DPP10: variants seen among roughly 807,000 people sequenced by gnomAD.
DPP10 encodes the protein inactive dipeptidyl peptidase 10.
A neutral mutation model predicts 120.9 loss-of-function variants in DPP10; 33 were observed. That is an observed-to-expected ratio of 0.27 (90% CI 0.21 to 0.37). The LOEUF is 0.37. Among genes scored for constraint, DPP10 ranks in the 10% least tolerant of loss-of-function variants. The pLI is 1.00. For synonymous variants in DPP10, 337 were observed against 326.1 expected, an observed-to-expected ratio of 1.03 and a Z score of -0.36; for missense variants, 816 against 942.8, an observed-to-expected ratio of 0.87 and a Z score of 1.76.
intron 1 of DPP10, among the ~76,000 whole-genome samples, chr2:115,192,373 G>A (rs1380629084): frequency 6.6e-6 from 1 of 152,204 alleles, no homozygotes; most frequent in Admixed American, 6.5e-5. Flanking sequence ...CCCCCAAGGG[G>A]TAATCTTTTA....
chr2:114,844,971 A>G (rs1180690166), intron 1 of DPP10, among the ~76,000 whole-genome samples: 1 of 152,138 alleles, frequency 6.6e-6, no homozygotes, highest in African/African-American at 2.4e-5. Context: ...AAGTAGTAAT[A>G]TTTCACTTAT....
In DPP10 at chr2:115,525,900, A is replaced by G; in HGVS notation, c.369A>G (p.Val123=). The change falls in exon 5 of 26, where the codon GTA becomes GTG. Residue 123 remains valine (V), a splice_region_variant and synonymous_variant. Coordinates refer to ENST00000410059, the MANE Select transcript of DPP10 (RefSeq NM_020868.6). The stretch of plus-strand genomic sequence containing the variant: ...CTGGTTTTTTTTTCTTTTTCTAGGT[A>G]ACCTTCAAAGCATCAAGACATTCAG... ...TTLLLENTTF[V]TFKASRHSVS... The G allele has an allele frequency of 6.3e-7, 1 of 1,593,970 alleles. No homozygotes were observed. The highest frequency in any genetic ancestry group is 8.5e-7 in the Non-Finnish European group (1 of 1,174,124).
At chr2:114,787,674 T>A (rs1682877740) in intron 1 of DPP10, among the ~76,000 whole-genome samples, 1 of 152,228 alleles carries the variant, frequency 6.6e-6, no homozygotes, top group Non-Finnish European at 1.5e-5. Flanking sequence ...AATGTGTGTA[T>A]GTGCCTCTAA....
chr2:115,661,978 A>T (rs1045873377), intron 5 of DPP10, among the ~76,000 whole-genome samples: 4 of 152,106 alleles, frequency 2.6e-5, no homozygotes, highest in Non-Finnish European at 4.4e-5. Flanking sequence ...TACCCATCTC[A>T]CAGAATTAAA....
At chr2:114,970,312 T>C (rs996202674) in intron 1 of DPP10, among the ~76,000 whole-genome samples, 1 of 152,218 alleles carries the variant, frequency 6.6e-6, no homozygotes, top group African/African-American at 2.4e-5. Context: ...AGAGGTTTTA[T>C]AGCACATAGG....
At position 115,028,169 on chromosome 2, in the gene DPP10, A is replaced by C. The variant is rs528665478; in HGVS notation, c.61-281070A>C. On this transcript the variant is annotated intron_variant, in intron 1 of 25. Coordinates refer to ENST00000410059, the MANE Select transcript of DPP10 (RefSeq NM_020868.6). ...GGTTTTGGTTTATTATTGCTTTGTC[A>C]GTTCCTTAAGAGCCATCATTAGCTT... Among the ~76,000 whole-genome samples the C allele has an allele frequency of 1.9e-4, 29 of 152,018 alleles. No individual in the cohort carries two copies. In the South Asian group the frequency reaches 6.0e-3, roughly 32 times the overall value.
chr2:114,846,478 A>T (rs1043314010), intron 1 of DPP10, among the ~76,000 whole-genome samples: 1 of 152,136 alleles, frequency 6.6e-6, no homozygotes, highest in African/African-American at 2.4e-5. Context: ...CAGAAAACTT[A>T]ATTGGGCTTC....
At chr2:115,642,352 C>A (rs771919808) in intron 5 of DPP10, among the ~76,000 whole-genome samples, 1 of 152,062 alleles carries the variant, frequency 6.6e-6, no homozygotes, top group Admixed American at 6.6e-5. Flanking sequence ...AAGAAGATTA[C>A]CCTCCCACAA....
intron 3 of DPP10, among the ~76,000 whole-genome samples, chr2:115,381,569 C>T (rs566810110): frequency 6.0e-4 from 91 of 152,350 alleles, no homozygotes; most frequent in Admixed American, 1.1e-3. Flanking sequence ...AGTCATTCTC[C>T]GTCCAGCTTT....
At chr2:115,743,620 T>C (rs1427950752) in intron 9 of DPP10, among the ~76,000 whole-genome samples, 1 of 151,748 alleles carries the variant, frequency 6.6e-6, no homozygotes, top group Non-Finnish European at 1.5e-5. Context: ...CCATATACTA[T>C]TTTAGGCACT....
intron 3 of DPP10, among the ~76,000 whole-genome samples, chr2:115,418,259 G>A (rs2104650961): frequency 6.6e-6 from 1 of 152,260 alleles, no homozygotes; most frequent in East Asian, 1.9e-4. Flanking sequence ...CTAAGATGTG[G>A]AAGGCCTGGG....
At chr2:114,869,993 A>G (rs998483253) in intron 1 of DPP10, among the ~76,000 whole-genome samples, 4 of 152,198 alleles carry the variant, frequency 2.6e-5, no homozygotes, top group African/African-American at 9.6e-5. Flanking sequence ...ACCAGGTAGG[A>G]AAAGAGTCAC....
intron 7 of DPP10, among the ~76,000 whole-genome samples, chr2:115,697,197 A>T (rs1246233928): frequency 6.6e-6 from 1 of 152,180 alleles, no homozygotes; most frequent in Non-Finnish European, 1.5e-5. Flanking sequence ...ATAGAAAAGA[A>T]ATAGAAAAAT....
intron 5 of DPP10, among the ~76,000 whole-genome samples, chr2:115,546,628 T>C (rs1247163411): frequency 6.6e-6 from 1 of 152,050 alleles, no homozygotes; most frequent in African/African-American, 2.4e-5. Flanking sequence ...GGTGTTAGGG[T>C]AGGATAAAAA....
At chr2:115,387,602 G>C (rs2067035918) in intron 3 of DPP10, among the ~76,000 whole-genome samples, 1 of 152,076 alleles carries the variant, frequency 6.6e-6, no homozygotes, top group Non-Finnish European at 1.5e-5. Flanking sequence ...TCACATTGAA[G>C]TATATTTTAT....
chr2:114,878,805 A>T (rs1169508506), intron 1 of DPP10, among the ~76,000 whole-genome samples: 1 of 152,108 alleles, frequency 6.6e-6, no homozygotes, highest in African/African-American at 2.4e-5. Context: ...TTGTGTATAT[A>T]TGCCACATTT....
At position 115,088,713 on chromosome 2, in the gene DPP10, C is replaced by T. The variant is rs185824069; in HGVS notation, c.61-220526C>T. 8.3e-5 allele frequency among the ~76,000 whole-genome samples: 9 copies of T among 108,522 alleles called. No homozygotes were observed. In the East Asian group the frequency reaches 8.9e-4, roughly 11 times the overall value. The allele number at this position is 108,522 out of a possible 152,430, so 71.2% of individuals were successfully genotyped here. On this transcript the variant is annotated intron_variant, in intron 1 of 25. Transcript: ENST00000410059. ...CTCCTACCTTGGCCTCCCAAAGTGC[C>T]GGGATTAGGATTACAGCTGTGAGCC...
chr2:114,950,696 G>A (rs769884180), intron 1 of DPP10, among the ~76,000 whole-genome samples: 54 of 151,986 alleles, frequency 3.6e-4, no homozygotes, highest in Non-Finnish European at 7.2e-4. Flanking sequence ...GTTTTAAAGG[G>A]ACTGTATTAA....
chr2:115,425,592 C>T (rs550077629), intron 3 of DPP10, among the ~76,000 whole-genome samples: 1 of 152,144 alleles, frequency 6.6e-6, no homozygotes, highest in African/African-American at 2.4e-5. Context: ...TAATAGAACA[C>T]TATTCCACCT....
Sources: gnomAD v4.1 joint callset for allele counts (sites outside exome capture counted in the v4.1 genomes callset) on GRCh38, gnomAD v4.1.1 for gene constraint, MANE v1.5 for transcripts, NCBI Gene and HGNC (gene_info 2026-07-23, HGNC 2026-07-21) for gene names.